Variants in GALNT12 observed in about 807,000 individuals in gnomAD.
GALNT12 encodes polypeptide N-acetylgalactosaminyltransferase 12.
GALNT12 carries 45 observed loss-of-function variants against 55.5 expected under a neutral mutation model. That is an observed-to-expected ratio of 0.81 (90% CI 0.64 to 1.04). GALNT12 has a LOEUF of 1.04. GALNT12 is among the 50% of genes least tolerant of loss of function. The pLI is 0.00. For missense variants in GALNT12, 709 were observed against 754.8 expected (o/e 0.94, Z 0.71); for synonymous variants, 304 against 312.2 (o/e 0.97, Z 0.28).
In GALNT12 at chr9:98,847,957, C is replaced by T. The variant is rs564210272; in HGVS notation, c.1606-995C>T. 9.2e-5 allele frequency among the ~76,000 whole-genome samples: 14 copies of T among 151,938 alleles called. No homozygotes were observed. The South Asian group carries it at 1.5e-3, about 16-fold the overall frequency. ...TCTCCTGAGTAGCTGGGACTACAGG[C>T]GCCCGCCACCACGCCCAGCTAATTT... On this transcript the variant is annotated intron_variant, in intron 9 of 9. Coordinates refer to ENST00000375011, the MANE Select transcript of GALNT12 (RefSeq NM_024642.5).
intron 4 of GALNT12, among the ~76,000 whole-genome samples, chr9:98,833,715 T>A (rs1036128902): frequency 3.3e-5 from 5 of 152,078 alleles, no homozygotes; most frequent in Admixed American, 2.0e-4. Flanking sequence ...GAGCCCTTAG[T>A]GAGAACATCC....
intron 1 of GALNT12, among the ~76,000 whole-genome samples, chr9:98,809,070 C>G (rs949534089): frequency 6.6e-6 from 1 of 152,134 alleles, no homozygotes; most frequent in Non-Finnish European, 1.5e-5. Flanking sequence ...GGTGACCCAC[C>G]CAAGGCCCCT....
chr9:98,827,770 T>G (rs1835892514), intron 3 of GALNT12, among the ~76,000 whole-genome samples: 1 of 152,218 alleles, frequency 6.6e-6, no homozygotes, highest in African/African-American at 2.4e-5. Context: ...GTATTTGTCT[T>G]TATACCAGTA....
intron 6 of GALNT12, 82 bp downstream of exon 6, chr9:98,837,230 T>A (rs1002333620): frequency 1.5e-6 from 2 of 1,336,120 alleles, no homozygotes; most frequent in African/African-American, 2.9e-5. Flanking sequence ...ACATAGTCGA[T>A]CTGGTTCCAG....
chr9:98,849,704 A>G lies in GALNT12; in HGVS notation c.*612A>G. 2.5e-6 allele frequency: 1 copy of G among 400,800 alleles called. No homozygotes were observed. Among genetic ancestry groups the G allele is most frequent in the Non-Finnish European group, 4.4e-6 (1 of 227,822 alleles). 24.8% of individuals were successfully genotyped at this position (400,800 alleles called of 1,614,324 possible). On this transcript the variant is annotated 3_prime_UTR_variant, in exon 10 of 10. Coordinates refer to ENST00000375011, the MANE Select transcript of GALNT12 (RefSeq NM_024642.5). ...TCCATAATGTTCATGTCAGCCAAAG[A>G]GGACTAACCAAAGCTGAAATCTCAG...
intron 1 of GALNT12, among the ~76,000 whole-genome samples, chr9:98,808,508 A>G (rs765361543): frequency 6.6e-6 from 1 of 152,224 alleles, no homozygotes. Flanking sequence ...AGGGACAAAC[A>G]AGATGCGAGG....
intron 7 of GALNT12, 137 bp from the exon 8 acceptor site, chr9:98,843,959 C>G (rs1166337101): frequency 4.4e-6 from 3 of 682,246 alleles, no homozygotes; most frequent in Non-Finnish European, 8.1e-6. Context: ...AGGTGCTGTA[C>G]AGAAAAGACT....
intron 3 of GALNT12, 130 bp downstream of exon 3, chr9:98,827,071 G>A: frequency 1.0e-6 from 1 of 956,702 alleles, no homozygotes; most frequent in Admixed American, 2.0e-5. Flanking sequence ...CACTGGGCAG[G>A]AGAGCAGTCC....
In GALNT12 at chr9:98,835,289, A is replaced by C; in HGVS notation, c.958A>C (p.Lys320Gln). 6.2e-7 allele frequency: 1 copy of C among 1,614,064 alleles called. No homozygotes were observed. The highest frequency in any genetic ancestry group is 8.5e-7 in the Non-Finnish European group (1 of 1,179,940). ...TGGTGGGCTGTTTGCTGTGAGTAAG[A>C]AATATTTTGAATATCTGGGGTCTTA... is the stretch of plus-strand genomic sequence containing the variant. ...MAGGLFAVSK[K>Q]YFEYLGSYDT... The change falls in exon 5 of 10, where the codon AAA (lysine) becomes CAA (glutamine). Residue 320 changes from lysine to glutamine, a missense_variant. Physicochemically the swap from Lys to Gln is moderately conservative, Grantham distance 53. Around this residue, in one of 5 missense-constraint regions of GALNT12, gnomAD observed 17 missense variants for 33.1 expected, o/e 0.51. Coordinates refer to ENST00000375011, the MANE Select transcript of GALNT12 (RefSeq NM_024642.5).
chr9:98,826,914 A>AAG lies in GALNT12; in HGVS notation c.705_706dup (p.Gly236GlufsTer22). The AAG allele has an allele frequency of 6.4e-7, 1 of 1,572,662 alleles. No homozygotes were observed. The highest frequency in any genetic ancestry group is 8.6e-7 in the Non-Finnish European group (1 of 1,159,036). ...CTGGACTGTCACTGTGAGTGCCACG[A>AAG]AGGGTGGCTGGAGCCGCTGCTGCAG... On this transcript the variant is annotated frameshift_variant, in exon 3 of 10. Transcript: ENST00000375011. LOFTEE classifies it high-confidence loss of function.
At chr9:98,831,191 A>G (rs1355095975) in intron 3 of GALNT12, among the ~76,000 whole-genome samples, 3 of 152,222 alleles carry the variant, frequency 2.0e-5, no homozygotes, top group South Asian at 2.1e-4. Flanking sequence ...AAATAAAAAA[A>G]TAGCAATAGT....
chr9:98,846,171 A>T, intron 9 of GALNT12, 48 bp downstream of exon 9: 1 of 1,607,900 alleles, frequency 6.2e-7, no homozygotes, highest in Non-Finnish European at 8.5e-7. Context: ...CTGGGCTATA[A>T]GGGAGAGTGT....
At chr9:98,820,260 C>T (rs961239175) in intron 1 of GALNT12, among the ~76,000 whole-genome samples, 5 of 152,142 alleles carry the variant, frequency 3.3e-5, no homozygotes, top group Admixed American at 6.5e-5. Flanking sequence ...CCACCCCCGA[C>T]GACAGGCCCC....
At chr9:98,827,594 T>A (rs1835887801) in intron 3 of GALNT12, among the ~76,000 whole-genome samples, 1 of 152,194 alleles carries the variant, frequency 6.6e-6, no homozygotes, top group Admixed American at 6.5e-5. Context: ...TTTTGATGTA[T>A]TTCTTTCAAG....
chr9:98,827,044 C>A, intron 3 of GALNT12, 103 bp downstream of exon 3: 4 of 1,215,358 alleles, frequency 3.3e-6, no homozygotes, highest in South Asian at 1.3e-5. Flanking sequence ...GTTGCCTGGG[C>A]TCAGCTGCTT....
chr9:98,842,400 G>A (rs1423551654), intron 7 of GALNT12, among the ~76,000 whole-genome samples: 2 of 152,016 alleles, frequency 1.3e-5, no homozygotes, highest in Non-Finnish European at 2.9e-5. Context: ...TGTTGCCCAG[G>A]CTGGTCTTGA....
chr9:98,815,487 C>T (rs1588440381), intron 1 of GALNT12, among the ~76,000 whole-genome samples: 2 of 152,022 alleles, frequency 1.3e-5, no homozygotes, highest in Non-Finnish European at 2.9e-5. Context: ...GTAACCCCAC[C>T]GTAAGTCAAG....
In GALNT12 at chr9:98,848,965, T is replaced by G; in HGVS notation, c.1619T>G (p.Phe540Cys). 6.2e-7 allele frequency: 1 copy of G among 1,614,242 alleles called. No individual in the cohort carries two copies. Among genetic ancestry groups the G allele is most frequent in the Non-Finnish European group, 8.5e-7 (1 of 1,180,050 alleles). The change falls in exon 10 of 10, where the codon TTT (phenylalanine) becomes TGT (cysteine). Residue 540 changes from phenylalanine (F) to cysteine (C), a missense_variant. Phe to Cys is a radical substitution (Grantham distance 205). Around this residue, in one of 5 missense-constraint regions of GALNT12, gnomAD observed 262 missense variants for 310.7 expected, o/e 0.84. Coordinates refer to ENST00000375011, the MANE Select transcript of GALNT12 (RefSeq NM_024642.5). ...KFILQEDGSL[F>C]HEQSKKCVQA... ...TATCTTTTGTAGGATGGATCTTTATTTCACGAACAGTCCAAGAAATGTGTC... is the reference window on the plus strand; with the variant it reads ...TATCTTTTGTAGGATGGATCTTTATGTCACGAACAGTCCAAGAAATGTGTC...
At chr9:98,834,112 G>A (rs938567437) in intron 4 of GALNT12, among the ~76,000 whole-genome samples, 2 of 151,674 alleles carry the variant, frequency 1.3e-5, no homozygotes, top group Admixed American at 6.6e-5. Flanking sequence ...CGCTCTCAAT[G>A]TTCTCTTTCC....
Sources: allele counts gnomAD v4.1 joint callset (sites outside exome capture counted in the v4.1 genomes callset), GRCh38; gene constraint gnomAD v4.1.1; regional missense constraint gnomAD v4.1.1; transcripts MANE v1.5; gene names NCBI Gene and HGNC (gene_info 2026-07-23, HGNC 2026-07-21).